SRPK2: variants seen among roughly 807,000 people sequenced by gnomAD.
SRPK2 encodes SRSF protein kinase 2, also known as SFRS protein kinase 2.
SRPK2 carries 21 observed loss-of-function variants against 90.8 expected under a neutral mutation model. That is an observed-to-expected ratio of 0.23 (90% confidence interval 0.16 to 0.33). The LOEUF is 0.33. SRPK2 is among the 10% of genes least tolerant of loss of function. The pLI, the probability that SRPK2 is intolerant of heterozygous loss-of-function variation, is 1.00. For synonymous variants in SRPK2, 288 were observed against 311.1 expected, an observed-to-expected ratio of 0.93 and a Z score of 0.78; for missense variants, 620 against 869.0, an observed-to-expected ratio of 0.71 and a Z score of 3.60.
At chr7:105,327,604 C>A (rs1341685621) in intron 2 of SRPK2, among the ~76,000 whole-genome samples, 1 of 152,198 alleles carries the variant, frequency 6.6e-6, no homozygotes, top group Non-Finnish European at 1.5e-5. Context: ...ACACATCTGA[C>A]TCCACAGCCA....
rs56935575 is a variant in SRPK2 at position 105,353,544 on chromosome 7, T to TGTTGTTGTTGTTGTA, written c.71+35103_71+35104insTACAACAACAACAAC. ...TTGTTGTTGTTGTTGTTGTTGTTGT[T>TGTTGTTGTTGTTGTA]TGGTGGAGACAGGGTTTTGTCACGT... On this transcript the variant is annotated intron_variant, in intron 2 of 15. Transcript: ENST00000393651. Among the ~76,000 whole-genome samples, 6 of 150,326 alleles carry TGTTGTTGTTGTTGTA rather than the reference T, an allele frequency of 4.0e-5. No homozygotes were observed. In the East Asian group the frequency reaches 7.9e-4, roughly 20 times the overall value.
chr7:105,264,827 G>A (rs1358254247), intron 2 of SRPK2, among the ~76,000 whole-genome samples: 1 of 152,138 alleles, frequency 6.6e-6, no homozygotes, highest in East Asian at 1.9e-4. Flanking sequence ...GCAATGCTAT[G>A]TGTGAATGCA....
At chr7:105,306,352 T>C (rs1242278599) in intron 2 of SRPK2, 1 of 359,528 alleles carries the variant, frequency 2.8e-6, no homozygotes, top group Admixed American at 4.1e-5. Context: ...TTTCAGAATA[T>C]TAACAAAAGT....
At chr7:105,231,207 C>G (rs1023932871) in intron 2 of SRPK2, among the ~76,000 whole-genome samples, 6 of 152,170 alleles carry the variant, frequency 3.9e-5, no homozygotes, top group Non-Finnish European at 8.8e-5. Context: ...CTCCTGCATT[C>G]TTTTCCTAAG....
At chr7:105,183,127 T>C (rs927020440) in intron 3 of SRPK2, among the ~76,000 whole-genome samples, 3 of 152,142 alleles carry the variant, frequency 2.0e-5, no homozygotes, top group Non-Finnish European at 4.4e-5. Context: ...ACAAAGAAAA[T>C]TATTTAAATA....
intron 2 of SRPK2, among the ~76,000 whole-genome samples, chr7:105,253,737 A>C (rs898312063): frequency 4.6e-5 from 7 of 152,238 alleles, no homozygotes; most frequent in Non-Finnish European, 7.3e-5. Flanking sequence ...AAAGGTGATT[A>C]CATTTTAGAA....
At chr7:105,378,677 T>C (rs893955350) in intron 2 of SRPK2, among the ~76,000 whole-genome samples, 3 of 147,612 alleles carry the variant, frequency 2.0e-5, no homozygotes, top group Non-Finnish European at 3.0e-5. Flanking sequence ...GCAGGAGAAT[T>C]GCTTGTACTC....
intron 2 of SRPK2, among the ~76,000 whole-genome samples, chr7:105,304,802 G>A (rs1455505411): frequency 2.0e-5 from 3 of 152,122 alleles, no homozygotes; most frequent in Admixed American, 6.5e-5. Context: ...TGTGAAAACC[G>A]CAGGGCTGCC....
At chr7:105,159,921 C>T (rs991791141) in intron 7 of SRPK2, among the ~76,000 whole-genome samples, 2 of 152,142 alleles carry the variant, frequency 1.3e-5, no homozygotes, top group Admixed American at 6.5e-5. Context: ...TAGCACAAAA[C>T]AGCTAATTAA....
chr7:105,240,240 G>A (rs114979474), intron 2 of SRPK2, among the ~76,000 whole-genome samples: 45 of 152,198 alleles, frequency 3.0e-4, no homozygotes, highest in African/African-American at 1.0e-3. Context: ...TCTTTATAAG[G>A]ATACTCATCC....
chr7:105,124,314 C>T (rs1259184148), intron 15 of SRPK2, among the ~76,000 whole-genome samples: 1 of 152,150 alleles, frequency 6.6e-6, no homozygotes, highest in Non-Finnish European at 1.5e-5. Context: ...ATGGAGTCCT[C>T]GATCCCCTCA....
chr7:105,374,816 C>T (rs1182018041), intron 2 of SRPK2, among the ~76,000 whole-genome samples: 1 of 152,110 alleles, frequency 6.6e-6, no homozygotes, highest in Non-Finnish European at 1.5e-5. Context: ...ACCATATTGG[C>T]TAGGCTGGTC....
chr7:105,132,687 G>T, intron 13 of SRPK2, 104 bp downstream of exon 13: 2 of 902,906 alleles, frequency 2.2e-6, no homozygotes, highest in Non-Finnish European at 3.4e-6. Context: ...GACCCTTACA[G>T]TCAGAAAAAC....
intron 2 of SRPK2, chr7:105,297,656 C>T (rs1231112879): frequency 5.7e-6 from 1 of 176,330 alleles, no homozygotes; most frequent in Non-Finnish European, 1.1e-5. Flanking sequence ...ACCTACAAAG[C>T]TCTATAAAGC....
At chr7:105,251,867 G>C (rs1357962156) in intron 2 of SRPK2, among the ~76,000 whole-genome samples, 1 of 152,180 alleles carries the variant, frequency 6.6e-6, no homozygotes, top group Non-Finnish European at 1.5e-5. Flanking sequence ...ACAACAAACT[G>C]AGGCTAAATT....
intron 14 of SRPK2, 50 bp from the exon 15 acceptor site, chr7:105,126,390 G>T: frequency 7.4e-7 from 1 of 1,347,344 alleles, no homozygotes; most frequent in Non-Finnish European, 1.1e-6. Context: ...GCAAAGGGAA[G>T]GATGGGATAA....
chr7:105,170,062 C>T (rs1414937912), intron 3 of SRPK2, among the ~76,000 whole-genome samples: 1 of 152,124 alleles, frequency 6.6e-6, no homozygotes, highest in Non-Finnish European at 1.5e-5. Flanking sequence ...ACAATCCGCA[C>T]ATCTCCCCTC....
intron 2 of SRPK2, among the ~76,000 whole-genome samples, chr7:105,380,788 C>G (rs1004637878): frequency 6.6e-6 from 1 of 151,764 alleles, no homozygotes; most frequent in Non-Finnish European, 1.5e-5. Context: ...TCCCAAAGCG[C>G]TGGGATTACA....
intron 11 of SRPK2, among the ~76,000 whole-genome samples, chr7:105,133,508 GAAAGAACACTGC>G (rs1426518374): frequency 2.0e-5 from 3 of 152,154 alleles, no homozygotes; most frequent in Admixed American, 2.0e-4. Flanking sequence ...CATGAAGGTA[GAAAGAACACTGC>G]TGTGGGGGCC....
Sources: gnomAD v4.1 joint callset for allele counts (sites outside exome capture counted in the v4.1 genomes callset) on GRCh38, gnomAD v4.1.1 for gene constraint, MANE v1.5 for transcripts, NCBI Gene and HGNC (gene_info 2026-07-23, HGNC 2026-07-21) for gene names.